SPOCK3: variants seen among roughly 807,000 people sequenced by gnomAD.
SPOCK3 encodes the protein testican-3.
SPOCK3 carries 30 observed loss-of-function variants against 56.6 expected under a neutral mutation model. That is an observed-to-expected ratio of 0.53 (90% CI 0.40 to 0.72). SPOCK3 has a LOEUF of 0.72. Ranked by LOEUF, SPOCK3 falls within the 30% of genes least tolerant of loss-of-function variation. SPOCK3 has a pLI of 0.00. For synonymous variants in SPOCK3, 196 were observed against 183.3 expected, an observed-to-expected ratio of 1.07 and a Z score of -0.56; for missense variants, 527 against 530.0, an observed-to-expected ratio of 0.99 and a Z score of 0.06.
chr4:166,818,843 A>T (rs1248876345), intron 6 of SPOCK3, among the ~76,000 whole-genome samples: 1 of 152,058 alleles, frequency 6.6e-6, no homozygotes, highest in Non-Finnish European at 1.5e-5. Context: ...TTAAAACAGA[A>T]CCTTGCGAAT....
intron 6 of SPOCK3, among the ~76,000 whole-genome samples, chr4:166,874,065 G>A (rs1170139786): frequency 5.3e-5 from 8 of 152,044 alleles, no homozygotes; most frequent in Admixed American, 5.3e-4. Context: ...AAGTAGTGTC[G>A]CCATGCAGGG....
intron 2 of SPOCK3, among the ~76,000 whole-genome samples, chr4:167,154,660 T>A (rs927945425): frequency 6.6e-6 from 1 of 152,142 alleles, no homozygotes; most frequent in African/African-American, 2.4e-5. Context: ...CTGCCTATGA[T>A]TACTTGGGAT....
intron 9 of SPOCK3, among the ~76,000 whole-genome samples, chr4:166,739,484 A>G (rs1276282010): frequency 2.0e-5 from 3 of 152,018 alleles, no homozygotes; most frequent in East Asian, 1.9e-4. Flanking sequence ...CAAGTCATCC[A>G]TCCACCTCAA....
At chr4:166,808,268 A>G (rs1207949202) in intron 6 of SPOCK3, among the ~76,000 whole-genome samples, 1 of 152,008 alleles carries the variant, frequency 6.6e-6, no homozygotes, top group Non-Finnish European at 1.5e-5. Context: ...TTTGGTATCT[A>G]CCATCTCTCT....
In SPOCK3 at chr4:166,792,225, A is replaced by T. The variant is rs1244617574; in HGVS notation, c.654T>A (p.His218Gln). ...TCTTCTTGTTTTGACTTCCACTTTC[A>T]TGAAGGGCCTTGAACCAGTCCCGCA... is the stretch of plus-strand genomic sequence containing the variant. ...NRLRDWFKALHESGSQNKKTK... is the reference protein window; with the variant it reads ...NRLRDWFKALQESGSQNKKTK... The change falls in exon 7 of 11, where the codon CAT becomes CAA. Residue 218 changes from histidine (H) to glutamine (Q), a missense_variant. By Grantham distance (24) the His-to-Gln change is conservative (BLOSUM62 0). Transcript: ENST00000357545. 1 of 1,613,914 alleles carries T rather than the reference A, an allele frequency of 6.2e-7. No homozygotes were observed. Among genetic ancestry groups the T allele is most frequent in the Non-Finnish European group, 8.5e-7 (1 of 1,179,898 alleles).
intron 2 of SPOCK3, among the ~76,000 whole-genome samples, chr4:167,215,775 T>C (rs1442756274): frequency 6.6e-6 from 1 of 152,172 alleles, no homozygotes; most frequent in Non-Finnish European, 1.5e-5. Flanking sequence ...AGGAACATCC[T>C]GGCTGCCTGT....
At chr4:166,824,542 A>G (rs1745259412) in intron 6 of SPOCK3, among the ~76,000 whole-genome samples, 1 of 152,086 alleles carries the variant, frequency 6.6e-6, no homozygotes, top group African/African-American at 2.4e-5. Flanking sequence ...GTCTGCTGGG[A>G]GCGTCTGTGA....
At chr4:167,135,975 A>C (rs1396985037) in intron 2 of SPOCK3, among the ~76,000 whole-genome samples, 1 of 152,166 alleles carries the variant, frequency 6.6e-6, no homozygotes, top group Non-Finnish European at 1.5e-5. Flanking sequence ...TAAAGCAACA[A>C]ACAGTGAAGG....
intron 3 of SPOCK3, among the ~76,000 whole-genome samples, chr4:167,054,140 C>A (rs1411886319): frequency 6.6e-6 from 1 of 152,058 alleles, no homozygotes; most frequent in Non-Finnish European, 1.5e-5. Flanking sequence ...GAGAAAATAA[C>A]ACTTAAATAA....
intron 7 of SPOCK3, among the ~76,000 whole-genome samples, chr4:166,788,207 A>AAAC (rs1181237704): frequency 2.3e-4 from 33 of 145,310 alleles, no homozygotes; most frequent in Middle Eastern, 3.5e-3. Flanking sequence ...AACAAACAAA[A>AAAC]AAACCCAGAA....
rs115124526 is a variant in SPOCK3, at chr4:167,229,176, A to G, written c.189+4809T>C. ...TTATTGAGAAAGCATTCTTAAACAG[A>G]GAGAACAGTAGTTCACTTTATTAAA... is the stretch of plus-strand genomic sequence containing the variant. On this transcript the variant is annotated intron_variant, in intron 2 of 10. Transcript: ENST00000357545. Among the ~76,000 whole-genome samples the G allele has an allele frequency of 9.4e-3, 1,432 of 152,300 alleles. 15 individuals are homozygous for G. The highest frequency in any genetic ancestry group is 0.013 in the Non-Finnish European group (898 of 68,006).
intron 6 of SPOCK3, among the ~76,000 whole-genome samples, chr4:166,867,943 A>G (rs975082178): frequency 4.6e-5 from 7 of 151,954 alleles, no homozygotes; most frequent in Non-Finnish European, 1.0e-4. Flanking sequence ...TATATAGTAT[A>G]TGTATATGGT....
At chr4:166,998,753 A>G (rs770263016) in intron 4 of SPOCK3, among the ~76,000 whole-genome samples, 4 of 152,114 alleles carry the variant, frequency 2.6e-5, no homozygotes, top group Admixed American at 6.6e-5. Flanking sequence ...CAGGGTCTCT[A>G]GAACTTGTGA....
At chr4:166,879,318 C>A (rs1733447850) in intron 6 of SPOCK3, among the ~76,000 whole-genome samples, 1 of 151,996 alleles carries the variant, frequency 6.6e-6, no homozygotes, top group Non-Finnish European at 1.5e-5. Context: ...CACTTGAGGC[C>A]AGGATTTAGA....
chr4:166,761,964 T>G (rs1293197852), intron 7 of SPOCK3, among the ~76,000 whole-genome samples: 1 of 151,838 alleles, frequency 6.6e-6, no homozygotes, highest in African/African-American at 2.4e-5. Context: ...CACAAACTTT[T>G]GGGAATTTGT....
At chr4:166,854,962 C>T (rs1177028707) in intron 6 of SPOCK3, among the ~76,000 whole-genome samples, 1 of 152,124 alleles carries the variant, frequency 6.6e-6, no homozygotes, top group East Asian at 1.9e-4. Flanking sequence ...CTGAAGAATC[C>T]TCAAAGTCTC....
At chr4:166,834,816 C>T (rs1005642767) in intron 6 of SPOCK3, among the ~76,000 whole-genome samples, 2 of 151,974 alleles carry the variant, frequency 1.3e-5, no homozygotes, top group African/African-American at 4.8e-5. Context: ...TCTTTCTCCC[C>T]CATCTTTTTT....
chr4:166,962,971 C>T (rs1176537337), intron 4 of SPOCK3, among the ~76,000 whole-genome samples: 1 of 152,026 alleles, frequency 6.6e-6, no homozygotes, highest in East Asian at 1.9e-4. Context: ...TTATTTAGAT[C>T]CATCATTGAA....
chr4:167,225,523 A>G (rs1032265881), intron 2 of SPOCK3, among the ~76,000 whole-genome samples: 3 of 152,062 alleles, frequency 2.0e-5, no homozygotes, highest in Admixed American at 2.0e-4. Flanking sequence ...TATTATTACT[A>G]TTATTAAATT....
Sources: allele counts gnomAD v4.1 joint callset (sites outside exome capture counted in the v4.1 genomes callset), GRCh38; gene constraint gnomAD v4.1.1; transcripts MANE v1.5; gene names NCBI Gene and HGNC (gene_info 2026-07-23, HGNC 2026-07-21).